The following SPPL2A variants were observed in gnomAD, a reference collection of about 807,000 sequenced individuals.
The protein encoded by SPPL2A is signal peptide peptidase like 2A, also known as signal peptide peptidase-like 2A.
SPPL2A carries 51 observed loss-of-function variants against 63.8 expected under a neutral mutation model. The ratio of observed to expected loss-of-function variants is 0.80; its 90% CI spans 0.64 to 1.01. SPPL2A has a LOEUF of 1.01. Ranked by LOEUF, SPPL2A falls within the 50% of genes least tolerant of loss-of-function variation. SPPL2A has a pLI of 0.00. For missense variants in SPPL2A, 553 were observed against 622.7 expected (o/e 0.89, Z 1.19); for synonymous variants, 188 against 205.8 (o/e 0.91, Z 0.74).
In SPPL2A at chr15:50,706,073, T is replaced by C. The variant is rs1378107642; in HGVS notation, c.*1727A>G. 6.6e-6 allele frequency: 1 copy of C among 152,204 alleles called. No individual in the cohort carries two copies. 9.4% of individuals were successfully genotyped at this position (152,204 alleles called of 1,614,324 possible). On this transcript the variant is annotated 3_prime_UTR_variant, in exon 15 of 15. Coordinates refer to ENST00000261854, the MANE Select transcript of SPPL2A (RefSeq NM_032802.4). ...AAGGTACCAGAGTGATTAGCTGGTC[T>C]AACCTACTCATTTTACAGATTAGAA...
chr15:50,735,544 TACACAC>T (rs59560616), intron 8 of SPPL2A, among the ~76,000 whole-genome samples: 21 of 149,594 alleles, frequency 1.4e-4, no homozygotes, highest in African/African-American at 2.0e-4. Flanking sequence ...CATATATACA[TACACAC>T]ACACACACAC....
chr15:50,748,826 G>C lies in SPPL2A; in HGVS notation c.222C>G (p.Asn74Lys), dbSNP rs754119564. 1.4e-5 allele frequency: 22 copies of C among 1,609,780 alleles called. No individual in the cohort carries two copies. Among genetic ancestry groups the C allele is most frequent in the Non-Finnish European group, 1.9e-5 (22 of 1,178,476 alleles). ...TGCCAACAGGAGGAATATCAGAAAGGTTGCATAGTGGTGTGGAAGTCAGAT... is the reference window on the plus strand; with the variant it reads ...TGCCAACAGGAGGAATATCAGAAAGCTTGCATAGTGGTGTGGAAGTCAGAT... ...LMNLTSTPLC[N>K]LSDIPPVGIK... is the part of the protein sequence containing the mutation. Residue 74 changes from asparagine to lysine, a missense_variant, in exon 3 of 15, where the codon AAC becomes AAG. By Grantham distance (94) the Asn-to-Lys change is moderately conservative. Transcript: ENST00000261854.
intron 1 of SPPL2A, among the ~76,000 whole-genome samples, chr15:50,752,679 C>T (rs2062919513): frequency 6.6e-6 from 1 of 151,206 alleles, no homozygotes; most frequent in Non-Finnish European, 1.5e-5. Context: ...GATCGTGCCA[C>T]TGCACTCCAG....
At chr15:50,713,311 C>A (rs1487120966) in intron 14 of SPPL2A, among the ~76,000 whole-genome samples, 2 of 148,828 alleles carry the variant, frequency 1.3e-5, no homozygotes, top group African/African-American at 5.0e-5. Context: ...GTCGCCCAGG[C>A]TAGAGTGCAG....
intron 14 of SPPL2A, among the ~76,000 whole-genome samples, chr15:50,712,679 C>CCCCTT (rs35199045): frequency 9.7e-6 from 1 of 102,938 alleles, no homozygotes; most frequent in Non-Finnish European, 1.9e-5. Flanking sequence ...CTCCCCCCCC[C>CCCCTT]TTTTTTTTTT....
intron 10 of SPPL2A, among the ~76,000 whole-genome samples, chr15:50,727,206 A>T (rs960469349): frequency 6.6e-6 from 1 of 152,184 alleles, no homozygotes; most frequent in Non-Finnish European, 1.5e-5. Flanking sequence ...AAGATAAACA[A>T]ATGCTGAATT....
chr15:50,730,881 C>A, intron 10 of SPPL2A, 84 bp downstream of exon 10: 2 of 659,356 alleles, frequency 3.0e-6, no homozygotes, highest in Admixed American at 2.5e-5. Context: ...TGGTAAACAT[C>A]TGCAAAATTA....
In SPPL2A at chr15:50,765,517, C is replaced by T. The variant is rs1178829324; in HGVS notation, c.17G>A (p.Arg6Gln). The T allele has an allele frequency of 6.7e-7, 1 of 1,499,234 alleles. No homozygotes were observed. Among genetic ancestry groups the T allele is most frequent in the Non-Finnish European group, 8.8e-7 (1 of 1,131,924 alleles). 92.9% of individuals were successfully genotyped at this position (1,499,234 alleles called of 1,614,324 possible). The change falls in exon 1 of 15, where the codon CGG becomes CAG. Residue 6 changes from arginine to glutamine, a missense_variant. By Grantham distance (43) the Arg-to-Gln change is conservative. Coordinates refer to ENST00000261854, the MANE Select transcript of SPPL2A (RefSeq NM_032802.4). MGPQR[R>Q]LSPAGAALLW... ...TAGGGCGGCCCCGGCAGGGGACAGC[C>T]GCCGCTGCGGCCCCATCGGACTGGT...
chr15:50,710,708 A>C (rs1596373815), intron 14 of SPPL2A, among the ~76,000 whole-genome samples: 1 of 152,206 alleles, frequency 6.6e-6, no homozygotes, highest in Admixed American at 6.5e-5. Flanking sequence ...ATGCAGGGTA[A>C]CTGGAGACTT....
intron 1 of SPPL2A, among the ~76,000 whole-genome samples, chr15:50,751,975 T>A (rs567385312): frequency 1.2e-4 from 18 of 152,078 alleles, no homozygotes; most frequent in African/African-American, 4.1e-4. Context: ...GGATTATAGG[T>A]GCCTGCCACC....
chr15:50,765,539 T>G lies in SPPL2A; in HGVS notation c.-6A>C. 1.3e-6 allele frequency: 2 copies of G among 1,490,468 alleles called. No homozygotes were observed. The highest frequency in any genetic ancestry group is 2.8e-5 in the East Asian group (1 of 35,432). 92.3% of individuals were successfully genotyped at this position (1,490,468 alleles called of 1,614,324 possible). ...AGCCGCCGCTGCGGCCCCATCGGAC[T>G]GGTGGGTGCCGGGTGGGACGGCACG... On this transcript the variant is annotated 5_prime_UTR_variant, in exon 1 of 15. Transcript: ENST00000261854.
At chr15:50,744,798 G>A (rs1285062625) in intron 5 of SPPL2A, among the ~76,000 whole-genome samples, 1 of 152,102 alleles carries the variant, frequency 6.6e-6, no homozygotes, top group Admixed American at 6.6e-5. Flanking sequence ...GATGCTTTGC[G>A]CCCCCACAAA....
intron 6 of SPPL2A, among the ~76,000 whole-genome samples, chr15:50,738,935 T>C (rs2062796050): frequency 6.6e-6 from 1 of 152,138 alleles, no homozygotes; most frequent in Admixed American, 6.6e-5. Context: ...CAATAAAACA[T>C]CTTGATTTGC....
chr15:50,721,551 C>A (rs942608242), intron 13 of SPPL2A, among the ~76,000 whole-genome samples: 1 of 151,942 alleles, frequency 6.6e-6, no homozygotes, highest in African/African-American at 2.4e-5. Context: ...CCATCTCAGC[C>A]TCCTGAGTAG....
In SPPL2A at chr15:50,706,790, A is replaced by T. The variant is rs1309666401; in HGVS notation, c.*1010T>A. 5 of 151,442 alleles carry T rather than the reference A, an allele frequency of 3.3e-5. No individual in the cohort carries two copies. The East Asian group carries it at 9.7e-4, about 29-fold the overall frequency. The allele number at this position is 151,442 out of a possible 1,614,324, so 9.4% of individuals were successfully genotyped here. A position where few individuals can be genotyped will look rare whatever the true frequency, so the allele number is the denominator to read the frequency against. On this transcript the variant is annotated 3_prime_UTR_variant, in exon 15 of 15. Coordinates refer to ENST00000261854, the MANE Select transcript of SPPL2A (RefSeq NM_032802.4). ...AAAGTGAAACTGAATGTTAGTACTG[A>T]AATTTAAGCTACATTTAAAAAAAAA...
intron 14 of SPPL2A, among the ~76,000 whole-genome samples, chr15:50,714,922 G>A (rs2062589836): frequency 6.6e-6 from 1 of 152,054 alleles, no homozygotes; most frequent in Non-Finnish European, 1.5e-5. Flanking sequence ...CAGCCTGGGT[G>A]ATAGAGCAAA....
rs370526290 is a variant in SPPL2A at position 50,719,948 on chromosome 15, T to C, written c.1480A>G (p.Ser494Gly). 12 of 1,611,312 alleles carry C rather than the reference T, an allele frequency of 7.4e-6. No homozygotes were observed. In the African/African-American group the frequency reaches 1.6e-4, roughly 22 times the overall value. Residue 494 changes from serine (S) to glycine (G), a missense_variant, in exon 14 of 15, where the codon AGC becomes GGC. Ser to Gly is a moderately conservative substitution (Grantham distance 56). Transcript: ENST00000261854. Reference protein sequence around the residue: ...KEMKKFWKGNSYQMMDHLDCA... With the variant: ...KEMKKFWKGNGYQMMDHLDCA... ...AAAGTATAAGCACATACCTGATAGC[T>C]GTTACCTTTCCAGAACTTTTTCATT...
intron 6 of SPPL2A, among the ~76,000 whole-genome samples, chr15:50,737,096 T>C (rs1001793702): frequency 7.2e-5 from 11 of 152,064 alleles, no homozygotes; most frequent in Non-Finnish European, 1.2e-4. Context: ...GTAGTTTTAG[T>C]AGACGGGGTT....
intron 1 of SPPL2A, among the ~76,000 whole-genome samples, chr15:50,754,661 C>G (rs1241740979): frequency 1.3e-5 from 2 of 152,078 alleles, no homozygotes; most frequent in African/African-American, 2.4e-5. Flanking sequence ...TAATTAAAGC[C>G]AAAGACTTCC....
Sources: allele counts gnomAD v4.1 joint callset (sites outside exome capture counted in the v4.1 genomes callset), GRCh38; gene constraint gnomAD v4.1.1; transcripts MANE v1.5; gene names NCBI Gene and HGNC (gene_info 2026-07-23, HGNC 2026-07-21).